TMEM132D: variants seen among roughly 807,000 people sequenced by gnomAD.
TMEM132D encodes mature OL transmembrane protein.
Under a neutral mutation model 62.3 loss-of-function variants are expected in TMEM132D, and 21 were observed. The observed-to-expected ratio is 0.34, with a 90% CI of 0.24 to 0.49. The LOEUF is 0.49. Among genes scored for constraint, TMEM132D ranks in the 20% least tolerant of loss-of-function variants. The pLI is 0.99. For synonymous variants in TMEM132D, 621 were observed against 575.6 expected, an observed-to-expected ratio of 1.08 and a Z score of -1.13; for missense variants, 1,346 against 1,402.8, an observed-to-expected ratio of 0.96 and a Z score of 0.65.
intron 4 of TMEM132D, among the ~76,000 whole-genome samples, chr12:129,228,057 C>T (rs1879530985): frequency 6.6e-6 from 1 of 152,194 alleles, no homozygotes; most frequent in Non-Finnish European, 1.5e-5. Flanking sequence ...TTTGTTTCCC[C>T]CTTTATAATC....
At chr12:129,330,062 G>T (rs76415201) in intron 4 of TMEM132D, among the ~76,000 whole-genome samples, 2 of 152,274 alleles carry the variant, frequency 1.3e-5, no homozygotes, top group Non-Finnish European at 2.9e-5. Flanking sequence ...TAAAGAACAT[G>T]CCTTAATCGA....
intron 2 of TMEM132D, among the ~76,000 whole-genome samples, chr12:129,544,919 A>AACACCGC (rs1876690090): frequency 6.6e-6 from 1 of 152,222 alleles, no homozygotes; most frequent in Admixed American, 6.5e-5. Context: ...ACTGAGTCAC[A>AACACCGC]ACACCGCACC....
intron 1 of TMEM132D, among the ~76,000 whole-genome samples, chr12:129,898,598 A>T (rs1373342056): frequency 6.6e-6 from 1 of 152,254 alleles, no homozygotes; most frequent in Non-Finnish European, 1.5e-5. Flanking sequence ...CCTTCAGACA[A>T]GGCGAGTCTT....
intron 5 of TMEM132D, among the ~76,000 whole-genome samples, chr12:129,166,458 C>T (rs555034498): frequency 3.4e-5 from 5 of 149,060 alleles, no homozygotes; most frequent in Admixed American, 1.4e-4. Context: ...TTTAGTATCT[C>T]AAGTAAAGGC....
At chr12:129,902,969 C>G (rs1266461293) in intron 1 of TMEM132D, among the ~76,000 whole-genome samples, 1 of 152,166 alleles carries the variant, frequency 6.6e-6, no homozygotes, top group Non-Finnish European at 1.5e-5. Flanking sequence ...TCTCCCTTTA[C>G]AGAAAAGGCT....
intron 3 of TMEM132D, among the ~76,000 whole-genome samples, chr12:129,367,868 C>A (rs566637039): frequency 6.7e-5 from 10 of 150,000 alleles, no homozygotes; most frequent in African/African-American, 2.2e-4. Context: ...TCACTGCAAT[C>A]ACCACCTTCC....
intron 1 of TMEM132D, chr12:129,840,023 A>G (rs1182767839): frequency 6.6e-6 from 1 of 152,202 alleles, no homozygotes; most frequent in Non-Finnish European, 1.5e-5. Flanking sequence ...CTATTTTAAT[A>G]CACCCCCTAA....
At chr12:129,352,334 C>T (rs1869892973) in intron 3 of TMEM132D, among the ~76,000 whole-genome samples, 1 of 152,176 alleles carries the variant, frequency 6.6e-6, no homozygotes, top group Non-Finnish European at 1.5e-5. Context: ...GCAGAACACA[C>T]ATCCCCAAAT....
intron 5 of TMEM132D, among the ~76,000 whole-genome samples, chr12:129,155,585 G>T (rs909030663): frequency 6.6e-6 from 1 of 152,202 alleles, no homozygotes; most frequent in Non-Finnish European, 1.5e-5. Flanking sequence ...CAGTTCTTGA[G>T]GCTGGGAAGC....
chr12:129,378,777 G>C (rs1487763496), intron 3 of TMEM132D, among the ~76,000 whole-genome samples: 1 of 152,132 alleles, frequency 6.6e-6, no homozygotes, highest in East Asian at 1.9e-4. Flanking sequence ...CACCATTATT[G>C]CTTCTTGTAC....
At chr12:129,708,032 C>T (rs975999384) in intron 1 of TMEM132D, among the ~76,000 whole-genome samples, 1 of 152,126 alleles carries the variant, frequency 6.6e-6, no homozygotes, top group African/African-American at 2.4e-5. Context: ...GCTTGGCCAA[C>T]ATGGTGAAAG....
intron 6 of TMEM132D, among the ~76,000 whole-genome samples, chr12:129,082,836 C>A (rs1473655830): frequency 6.6e-6 from 1 of 152,200 alleles, no homozygotes; most frequent in Non-Finnish European, 1.5e-5. Flanking sequence ...CTCAAGCAAT[C>A]CTTCCACTCC....
At chr12:129,576,926 T>C (rs1326170546) in intron 2 of TMEM132D, among the ~76,000 whole-genome samples, 1 of 151,944 alleles carries the variant, frequency 6.6e-6, no homozygotes, top group African/African-American at 2.4e-5. Flanking sequence ...TTTGTGTCGT[T>C]TGTTTACAAG....
chr12:129,602,341 T>C (rs1462684214), intron 2 of TMEM132D, among the ~76,000 whole-genome samples: 1 of 152,128 alleles, frequency 6.6e-6, no homozygotes, highest in Non-Finnish European at 1.5e-5. Flanking sequence ...AATGTCAATA[T>C]AGCTATCCGT....
chr12:129,407,227 C>A (rs141622797), intron 3 of TMEM132D, among the ~76,000 whole-genome samples: 1 of 152,322 alleles, frequency 6.6e-6, no homozygotes, highest in African/African-American at 2.4e-5. Flanking sequence ...ACAAAGACTG[C>A]AGCCCAACTC....
intron 5 of TMEM132D, among the ~76,000 whole-genome samples, chr12:129,094,996 C>T (rs1875053145): frequency 7.3e-6 from 1 of 137,342 alleles, no homozygotes; most frequent in Non-Finnish European, 1.5e-5. Flanking sequence ...AACACATGGA[C>T]ACAGGAAGGG....
At chr12:129,255,217 C>T (rs764996048) in intron 4 of TMEM132D, among the ~76,000 whole-genome samples, 1 of 152,154 alleles carries the variant, frequency 6.6e-6, no homozygotes, top group Admixed American at 6.6e-5. Context: ...GCCTGAAGAA[C>T]GGTGAGCCAA....
chr12:129,873,251 T>G (rs1874314230), intron 1 of TMEM132D, among the ~76,000 whole-genome samples: 1 of 152,140 alleles, frequency 6.6e-6, no homozygotes, highest in African/African-American at 2.4e-5. Flanking sequence ...TGCTCTAAGA[T>G]CTGATAGAAG....
chr12:129,567,723 G>A (rs1014693050), intron 2 of TMEM132D, among the ~76,000 whole-genome samples: 2 of 151,928 alleles, frequency 1.3e-5, no homozygotes, highest in East Asian at 3.8e-4. Flanking sequence ...CCATTTAATG[G>A]CTTTACAATT....
Sources: gnomAD v4.1 joint callset for allele counts (sites outside exome capture counted in the v4.1 genomes callset) on GRCh38, gnomAD v4.1.1 for gene constraint, MANE v1.5 for transcripts, NCBI Gene and HGNC (gene_info 2026-07-23, HGNC 2026-07-21) for gene names.